PTTG1IP: variants seen among roughly 807,000 people sequenced by gnomAD.
The protein encoded by PTTG1IP is pituitary tumor-transforming gene 1 protein-interacting protein.
PTTG1IP carries 16 observed loss-of-function variants against 24.4 expected under a neutral mutation model. The ratio of observed to expected loss-of-function variants is 0.66; its 90% confidence interval spans 0.44 to 1.00. The LOEUF is 1.00. PTTG1IP is among the 50% of genes least tolerant of loss of function. PTTG1IP has a pLI of 0.00. For synonymous variants in PTTG1IP, 89 were observed against 96.8 expected, an observed-to-expected ratio of 0.92 and a Z score of 0.47; for missense variants, 241 against 245.8, an observed-to-expected ratio of 0.98 and a Z score of 0.13.
intron 3 of PTTG1IP, among the ~76,000 whole-genome samples, chr21:44,859,609 C>T (rs1316482378): frequency 1.3e-5 from 2 of 152,180 alleles, no homozygotes; most frequent in Non-Finnish European, 2.9e-5. Context: ...GCAAGGCTCC[C>T]CAGGTCCAGG....
intron 5 of PTTG1IP, among the ~76,000 whole-genome samples, chr21:44,851,836 A>G (rs925631325): frequency 2.6e-5 from 4 of 152,218 alleles, no homozygotes. Context: ...TAGAAACAAG[A>G]ACTCTAACAG....
chr21:44,862,845 A>G (rs933738451), intron 2 of PTTG1IP, among the ~76,000 whole-genome samples: 10 of 152,116 alleles, frequency 6.6e-5, no homozygotes, highest in Non-Finnish European at 1.3e-4. Context: ...AGTATCTTCC[A>G]TTTCAGGGGT....
rs1353749217 is a variant in PTTG1IP at position 44,850,844 on chromosome 21, A to G, written c.*737T>C. Reference sequence around the variant, plus strand: ...CATTTATAATTCAAGCTTCCAAGGGAAAAAGATTCTCATGTTCTAGTAAAG... The same window carrying G: ...CATTTATAATTCAAGCTTCCAAGGGGAAAAGATTCTCATGTTCTAGTAAAG... On this transcript the variant is annotated 3_prime_UTR_variant, in exon 6 of 6. Coordinates refer to ENST00000330938, the MANE Select transcript of PTTG1IP (RefSeq NM_004339.4). The G allele has an allele frequency of 6.5e-6, 1 of 152,782 alleles. No homozygotes were observed. Among genetic ancestry groups the G allele is most frequent in the Non-Finnish European group, 1.5e-5 (1 of 68,410 alleles). 9.5% of individuals were successfully genotyped at this position (152,782 alleles called of 1,614,324 possible).
intron 1 of PTTG1IP, among the ~76,000 whole-genome samples, chr21:44,872,020 G>A (rs2083590631): frequency 6.6e-6 from 1 of 152,210 alleles, no homozygotes; most frequent in Admixed American, 6.5e-5. Flanking sequence ...GCAGTGCAGA[G>A]CAGGAGGAAT....
chr21:44,853,011 A>C (rs2146451542), intron 5 of PTTG1IP, among the ~76,000 whole-genome samples: 1 of 152,332 alleles, frequency 6.6e-6, no homozygotes, highest in Middle Eastern at 3.4e-3. Context: ...TGGCAAGTGC[A>C]AGTCAATCAG....
At chr21:44,865,482 G>A in intron 1 of PTTG1IP, 35 bp from the exon 2 acceptor site, 1 of 1,609,220 alleles carries the variant, frequency 6.2e-7, no homozygotes, top group Non-Finnish European at 8.5e-7. Context: ...GTCAGTCACT[G>A]AGAATCAGGC....
At chr21:44,855,085 G>C (rs1194247382) in intron 5 of PTTG1IP, 125 bp downstream of exon 5, 2 of 992,994 alleles carry the variant, frequency 2.0e-6, no homozygotes, top group Admixed American at 4.2e-5. Context: ...TCTCTGGAGA[G>C]ACGTCCTTCT....
chr21:44,859,633 G>A (rs895326182), intron 3 of PTTG1IP, among the ~76,000 whole-genome samples: 1 of 152,180 alleles, frequency 6.6e-6, no homozygotes, highest in African/African-American at 2.4e-5. Flanking sequence ...TGTGTCTTCA[G>A]AGTGGTCATT....
intron 1 of PTTG1IP, among the ~76,000 whole-genome samples, chr21:44,869,802 C>T (rs1168488931): frequency 6.6e-6 from 1 of 152,210 alleles, no homozygotes; most frequent in Non-Finnish European, 1.5e-5. Context: ...GTATGCCCAA[C>T]ACACCCACTC....
intron 1 of PTTG1IP, chr21:44,865,654 C>T (rs1027796362): frequency 4.8e-6 from 3 of 623,314 alleles, no homozygotes; most frequent in Non-Finnish European, 8.7e-6. Context: ...AACCCCGCTG[C>T]AGGCAGGGCA....
intron 1 of PTTG1IP, among the ~76,000 whole-genome samples, chr21:44,872,117 T>C (rs1287609031): frequency 2.0e-5 from 3 of 152,164 alleles, no homozygotes; most frequent in Non-Finnish European, 4.4e-5. Context: ...ACTGATACAG[T>C]TGCCAGTGAA....
chr21:44,867,539 T>C (rs1168397293), intron 1 of PTTG1IP, among the ~76,000 whole-genome samples: 1 of 152,160 alleles, frequency 6.6e-6, no homozygotes, highest in African/African-American at 2.4e-5. Flanking sequence ...CATATTCCCG[T>C]AAGAAAAATG....
intron 4 of PTTG1IP, 129 bp from the exon 5 acceptor site, chr21:44,855,385 G>T: frequency 1.0e-6 from 1 of 955,774 alleles, no homozygotes; most frequent in Non-Finnish European, 1.6e-6. Context: ...AGTTCCCAGA[G>T]TGAAACCAGG....
intron 3 of PTTG1IP, 77 bp from the exon 4 acceptor site, chr21:44,856,441 T>C (rs2083450550): frequency 2.0e-6 from 3 of 1,467,202 alleles, no homozygotes; most frequent in Middle Eastern, 3.6e-4. Context: ...CCCTCGCCCC[T>C]GGGGAACAAC....
At chr21:44,872,074 C>G (rs1348540944) in intron 1 of PTTG1IP, among the ~76,000 whole-genome samples, 2 of 152,232 alleles carry the variant, frequency 1.3e-5, no homozygotes, top group African/African-American at 4.8e-5. Flanking sequence ...GACACTCCCG[C>G]TTTCACAATG....
chr21:44,856,166 T>G, intron 4 of PTTG1IP, 27 bp downstream of exon 4: 1 of 1,613,846 alleles, frequency 6.2e-7, no homozygotes, highest in Non-Finnish European at 8.5e-7. Flanking sequence ...GAAGTAACCT[T>G]CCCAGCGGGC....
At chr21:44,856,029 T>C (rs1486134609) in intron 4 of PTTG1IP, among the ~76,000 whole-genome samples, 164 bp downstream of exon 4, 1 of 152,140 alleles carries the variant, frequency 6.6e-6, no homozygotes, top group Non-Finnish European at 1.5e-5. Flanking sequence ...CCCATCACAG[T>C]CTCTCGCTCT....
At chr21:44,865,572 AAATG>A (rs1173480453) in intron 1 of PTTG1IP, 125 bp from the exon 2 acceptor site, 2 of 919,050 alleles carry the variant, frequency 2.2e-6, no homozygotes, top group East Asian at 2.6e-5. Flanking sequence ...TGGAATTACC[AAATG>A]AAGGTCCTCT....
chr21:44,860,633 G>A (rs955924158), intron 3 of PTTG1IP, among the ~76,000 whole-genome samples: 6 of 152,092 alleles, frequency 3.9e-5, no homozygotes, highest in East Asian at 1.9e-4. Flanking sequence ...CTTCTGTAAC[G>A]TGGTGAGATA....
Sources: allele counts gnomAD v4.1 joint callset (sites outside exome capture counted in the v4.1 genomes callset), GRCh38; gene constraint gnomAD v4.1.1; transcripts MANE v1.5; gene names NCBI Gene and HGNC (gene_info 2026-07-23, HGNC 2026-07-21).